The following EVC2 variants were observed in gnomAD, a reference collection of about 807,000 sequenced individuals.
EVC2 encodes the protein EvC ciliary complex subunit 2.
A neutral mutation model predicts 149.3 loss-of-function variants in EVC2; 148 were observed. The ratio of observed to expected loss-of-function variants is 0.99; its 90% CI spans 0.87 to 1.14. The LOEUF (loss-of-function observed/expected upper bound fraction) is 1.14, where lower values mean the gene tolerates loss of function less well. Ranked by LOEUF, EVC2 falls within the 50% of genes most tolerant of loss-of-function variation. EVC2 has a pLI of 0.00. For missense variants in EVC2, 1,854 were observed against 1,627.3 expected, an observed-to-expected ratio of 1.14 and a Z score of -2.40; for synonymous variants, 776 against 649.9, an observed-to-expected ratio of 1.19 and a Z score of -2.95.
intron 13 of EVC2, 120 bp from the exon 14 acceptor site, chr4:5,623,111 A>G: frequency 1.1e-6 from 1 of 945,968 alleles, no homozygotes; most frequent in Non-Finnish European, 1.6e-6. Flanking sequence ...ACAATCTCAC[A>G]TTTGGAAGTT....
At chr4:5,692,031 T>A (rs1721153528) in intron 3 of EVC2, among the ~76,000 whole-genome samples, 1 of 152,194 alleles carries the variant, frequency 6.6e-6, no homozygotes, top group South Asian at 2.1e-4. Flanking sequence ...CCTTACTGCA[T>A]CAAGGAAGCC....
intron 21 of EVC2, among the ~76,000 whole-genome samples, chr4:5,551,113 C>T (rs1212591196): frequency 6.6e-6 from 1 of 152,184 alleles, no homozygotes; most frequent in African/African-American, 2.4e-5. Flanking sequence ...GTTGGAGCAC[C>T]CACACAGAGT....
At position 5,665,626 on chromosome 4, in the gene EVC2, G is replaced by A. The variant is rs143027693; in HGVS notation, c.894C>T (p.His298=). The A allele has an allele frequency of 3.2e-5, 52 of 1,614,200 alleles. No homozygotes were observed. In the African/African-American group the frequency reaches 5.7e-4, roughly 18 times the overall value. The change falls in exon 8 of 22, where the codon CAC becomes CAT. Residue 298 remains histidine, a synonymous_variant. Coordinates refer to ENST00000344408, the MANE Select transcript of EVC2 (RefSeq NM_147127.5). Reference sequence around the variant, plus strand: ...GGAAGGCAATGAAGAACCCTGCTGCGTGGAGGCCGTGGTGCGGCAGAACCT... The same window carrying A: ...GGAAGGCAATGAAGAACCCTGCTGCATGGAGGCCGTGGTGCGGCAGAACCT... ...NVTVLPHHGL[H]AAGFFIAFLL...
At chr4:5,667,323 G>A (rs913187894) in intron 7 of EVC2, among the ~76,000 whole-genome samples, 3 of 151,648 alleles carry the variant, frequency 2.0e-5, no homozygotes, top group African/African-American at 7.3e-5. Context: ...TCTACAATGA[G>A]TAGGTATTAT....
chr4:5,532,466 C>T, the EVC2 span, among the ~76,000 whole-genome samples: 1 of 152,188 alleles, frequency 6.6e-6, no homozygotes, highest in Admixed American at 6.5e-5. Flanking sequence ...TTAACCAGCA[C>T]ACCCAGTATC....
intron 21 of EVC2, among the ~76,000 whole-genome samples, chr4:5,549,649 C>T (rs138516601): frequency 1.5e-4 from 23 of 152,206 alleles, no homozygotes; most frequent in Non-Finnish European, 2.6e-4. Context: ...GTGACAGAAC[C>T]GAGAATGAAC....
intron 9 of EVC2, among the ~76,000 whole-genome samples, chr4:5,643,451 T>C (rs759641712): frequency 6.6e-6 from 1 of 152,212 alleles, no homozygotes; most frequent in Non-Finnish European, 1.5e-5. Flanking sequence ...TCTAACCGCA[T>C]CTTTGGGTCT....
chr4:5,561,951 AT>A (rs1721978202), downstream of EVC2, among the ~76,000 whole-genome samples: 1 of 152,090 alleles, frequency 6.6e-6, no homozygotes, highest in Non-Finnish European at 1.5e-5. Context: ...TTGTAATTGT[AT>A]TATTTGCCCG....
chr4:5,594,250 G>C (rs1713150117), intron 16 of EVC2, among the ~76,000 whole-genome samples: 1 of 152,214 alleles, frequency 6.6e-6, no homozygotes, highest in Non-Finnish European at 1.5e-5. Context: ...GGAGATCTGA[G>C]AACGGGCAGA....
At chr4:5,598,168 C>A (rs1713628458) in intron 16 of EVC2, among the ~76,000 whole-genome samples, 1 of 151,902 alleles carries the variant, frequency 6.6e-6, no homozygotes, top group South Asian at 2.1e-4. Context: ...GATTCAATGC[C>A]ATCCCCATCC....
At chr4:5,592,819 G>A (rs948329555) in intron 16 of EVC2, among the ~76,000 whole-genome samples, 13 of 152,220 alleles carry the variant, frequency 8.5e-5, no homozygotes, top group African/African-American at 2.2e-4. Context: ...CACTGTGCAT[G>A]TGAACAGCCC....
chr4:5,564,559 T>C (rs1044705064), intron 21 of EVC2, among the ~76,000 whole-genome samples: 4 of 152,226 alleles, frequency 2.6e-5, no homozygotes, highest in African/African-American at 9.6e-5. Flanking sequence ...GAGGTAGACA[T>C]GTCCGTTGAA....
intron 10 of EVC2, among the ~76,000 whole-genome samples, chr4:5,635,028 G>GT (rs1577187538): frequency 1.1e-5 from 1 of 92,178 alleles, no homozygotes; most frequent in African/African-American, 4.3e-5. Flanking sequence ...CAACAAATGT[G>GT]CTTTTTTTTT....
At chr4:5,565,990 C>T (rs543530257) in intron 20 of EVC2, among the ~76,000 whole-genome samples, 15 of 152,354 alleles carry the variant, frequency 9.8e-5, no homozygotes, top group South Asian at 4.1e-4. Flanking sequence ...GCTGCCTCCC[C>T]CACTGGGATG....
At chr4:5,535,033 G>A in the EVC2 span, among the ~76,000 whole-genome samples, 1 of 152,156 alleles carries the variant, frequency 6.6e-6, no homozygotes, top group African/African-American at 2.4e-5. The surrounding 1 kb of genome is among the most constrained non-coding windows in gnomAD (Gnocchi z 4.7). Context: ...GTGATGGGCA[G>A]TAGGCAGAGG....
intron 21 of EVC2, among the ~76,000 whole-genome samples, chr4:5,555,211 A>C (rs191114837): frequency 3.3e-3 from 498 of 152,292 alleles, no homozygotes; most frequent in Middle Eastern, 0.024. Flanking sequence ...ATGATTAATC[A>C]AAACCAGAGA....
chr4:5,659,569 C>T (rs925003474), intron 9 of EVC2, among the ~76,000 whole-genome samples: 6 of 152,066 alleles, frequency 3.9e-5, no homozygotes, highest in African/African-American at 7.3e-5. Context: ...GAACACTCTC[C>T]GTGCATGCTT....
In EVC2 at chr4:5,686,127, C is replaced by CACACACACATAG. The variant is rs71171411; in HGVS notation, c.707-649_707-648insCTATGTGTGTGT. On this transcript the variant is annotated intron_variant, in intron 5 of 21. Coordinates refer to ENST00000344408, the MANE Select transcript of EVC2 (RefSeq NM_147127.5). The surrounding 1 kb of genome is among the most constrained non-coding windows in gnomAD (Gnocchi z 5.4). Reference sequence around the variant, plus strand: ...ACACACACACACACACACACACACACAGAGTAAAGAAAAGAGGAGGAACGC... The same window carrying CACACACACATAG: ...ACACACACACACACACACACACACACACACACACATAGAGAGTAAAGAAAAGAGGAGGAACGC... Among the ~76,000 whole-genome samples, 1 of 149,548 alleles carries CACACACACATAG rather than the reference C, an allele frequency of 6.7e-6. No individual in the cohort carries two copies. Among genetic ancestry groups the CACACACACATAG allele is most frequent in the African/African-American group, 2.5e-5 (1 of 40,106 alleles).
At chr4:5,605,426 G>T (rs1222577026) in intron 16 of EVC2, among the ~76,000 whole-genome samples, 1 of 152,088 alleles carries the variant, frequency 6.6e-6, no homozygotes, top group East Asian at 1.9e-4. Context: ...GATGTGTGAG[G>T]GGTCAGCACC....
Sources: gnomAD v4.1 joint callset for allele counts (sites outside exome capture counted in the v4.1 genomes callset) on GRCh38, gnomAD v4.1.1 for gene constraint, Gnocchi (gnomAD v3.1) non-coding constraint, MANE v1.5 for transcripts, NCBI Gene and HGNC (gene_info 2026-07-23, HGNC 2026-07-21) for gene names.